ARHGAP32: variants seen among roughly 807,000 people sequenced by gnomAD.
The protein encoded by ARHGAP32 is rho GTPase-activating protein 32.
A neutral mutation model predicts 186.5 loss-of-function variants in ARHGAP32; 51 were observed. That is an observed-to-expected ratio of 0.27 (90% CI 0.22 to 0.35). The LOEUF (loss-of-function observed/expected upper bound fraction) is 0.35. ARHGAP32 is among the 10% of genes least tolerant of loss of function. The probability of loss-of-function intolerance (pLI) is 1.00; values close to 1 mark genes in which losing one functional copy is unlikely to be tolerated. For missense variants in ARHGAP32, 2,186 were observed against 2,623.5 expected (o/e 0.83, Z 3.64); for synonymous variants, 950 against 964.3 (o/e 0.99, Z 0.27).
rs1040654147 is a variant in ARHGAP32 at position 128,968,321 on chromosome 11, T to C, written c.*586A>G. 1 of 152,216 alleles carries C rather than the reference T, an allele frequency of 6.6e-6. No individual in the cohort carries two copies. Among genetic ancestry groups the C allele is most frequent in the Non-Finnish European group, 1.5e-5 (1 of 68,042 alleles). The allele number at this position is 152,216 out of a possible 1,614,324, so 9.4% of individuals were successfully genotyped here. A position where few individuals can be genotyped will look rare whatever the true frequency, so the allele number is the denominator to read the frequency against. ...TGTTTAATTTAAAGTCTTAATTTCT[T>C]ATTTTTAATTATAATGTTGCCAACT... On this transcript the variant is annotated 3_prime_UTR_variant, in exon 23 of 23. Transcript: ENST00000682385.
chr11:129,278,649 G>A (rs1231348700), intron 1 of ARHGAP32, among the ~76,000 whole-genome samples: 1 of 152,102 alleles, frequency 6.6e-6, no homozygotes, highest in African/African-American at 2.4e-5. Context: ...GAAAGACGAG[G>A]GGGGAACTCC....
At chr11:129,225,007 A>C (rs1944761468) in intron 1 of ARHGAP32, among the ~76,000 whole-genome samples, 1 of 152,010 alleles carries the variant, frequency 6.6e-6, no homozygotes, top group East Asian at 1.9e-4. Flanking sequence ...GCTACTTGAG[A>C]GGCTGACACA....
intron 18 of ARHGAP32, 33 bp downstream of exon 18, chr11:128,980,520 T>C (rs377464208): frequency 6.5e-7 from 1 of 1,534,574 alleles, no homozygotes; most frequent in Admixed American, 1.8e-5. Context: ...GCTATGAAAA[T>C]CATATCCCAA....
chr11:129,156,948 G>A (rs1943423548), intron 2 of ARHGAP32, among the ~76,000 whole-genome samples: 1 of 152,156 alleles, frequency 6.6e-6, no homozygotes, highest in African/African-American at 2.4e-5. Context: ...GGTCTGGAGT[G>A]GACATACAGA....
At chr11:129,018,391 A>C (rs2134875131) in intron 11 of ARHGAP32, among the ~76,000 whole-genome samples, 1 of 152,356 alleles carries the variant, frequency 6.6e-6, no homozygotes. Flanking sequence ...AAATACCTTA[A>C]ATAGCAGCAA....
intron 21 of ARHGAP32, chr11:128,973,825 A>G (rs1012255102): frequency 1.7e-5 from 9 of 519,566 alleles, no homozygotes; most frequent in African/African-American, 9.6e-5. Context: ...ATATTTTATT[A>G]GAAGAGAAAA....
At chr11:129,009,787 C>A (rs1036014092) in intron 11 of ARHGAP32, among the ~76,000 whole-genome samples, 1 of 152,090 alleles carries the variant, frequency 6.6e-6, no homozygotes, top group Non-Finnish European at 1.5e-5. Context: ...AACAGTGCTG[C>A]AGTGAACGTA....
intron 6 of ARHGAP32, among the ~76,000 whole-genome samples, chr11:129,088,995 CAAAAAAAA>C (rs10601798): frequency 3.5e-5 from 3 of 84,768 alleles, no homozygotes; most frequent in African/African-American, 8.4e-5. Flanking sequence ...GAGACCTTGT[CAAAAAAAA>C]AAAAAAAAAA....
At chr11:129,234,326 GACTA>G (rs1022521105) in intron 1 of ARHGAP32, among the ~76,000 whole-genome samples, 10 of 151,996 alleles carry the variant, frequency 6.6e-5, no homozygotes, top group African/African-American at 2.2e-4. Flanking sequence ...TATAAAAAAT[GACTA>G]ACTCTCAAAA....
chr11:128,970,724 T>C lies in ARHGAP32; in HGVS notation c.4489A>G (p.Thr1497Ala). 1 of 1,614,086 alleles carries C rather than the reference T, an allele frequency of 6.2e-7. No homozygotes were observed. The highest frequency in any genetic ancestry group is 1.3e-5 in the African/African-American group (1 of 74,998). ...YSSFARPDVTTEPFGPDNCLH... is the reference protein window; with the variant it reads ...YSSFARPDVTAEPFGPDNCLH... ...CAGTTATCTGGACCAAAGGGTTCAG[T>C]GGTGACATCGGGCCTAGCAAAGGAG... The change falls in exon 23 of 23, where the codon ACT becomes GCT. Residue 1497 changes from threonine to alanine, a missense_variant. This residue lies in a region of ARHGAP32 where 1,502 missense variants were observed against 1,570.0 expected (regional missense o/e 0.96). Coordinates refer to ENST00000682385, the MANE Select transcript of ARHGAP32 (RefSeq NM_001378024.1). The surrounding 1 kb of genome is among the most constrained non-coding windows in gnomAD (Gnocchi z 5.8).
chr11:129,172,373 C>G (rs565752558), intron 1 of ARHGAP32, among the ~76,000 whole-genome samples: 6 of 152,074 alleles, frequency 3.9e-5, no homozygotes, highest in Admixed American at 3.3e-4. Context: ...GAGTTTTTAA[C>G]GTGAAGGGAT....
chr11:129,043,371 TTC>T (rs1417448049), intron 10 of ARHGAP32, among the ~76,000 whole-genome samples: 39 of 95,366 alleles, frequency 4.1e-4, no homozygotes, highest in African/African-American at 1.2e-3. Flanking sequence ...CTATGCAAAT[TTC>T]TTTTTTTCTT....
At position 128,970,898 on chromosome 11, in the gene ARHGAP32, C is replaced by A. The variant is rs1945348006; in HGVS notation, c.4315G>T (p.Ala1439Ser). 1 of 1,614,160 alleles carries A rather than the reference C, an allele frequency of 6.2e-7. No individual in the cohort carries two copies. Among genetic ancestry groups the A allele is most frequent in the African/African-American group, 1.3e-5 (1 of 75,054 alleles). ...TCTGCACTGCTGGAGTGTATGGCAG[C>A]AATCATCTTACTCTCCATCATCCTG... is the stretch of plus-strand genomic sequence containing the variant. ...PTRMMESKMIAAIHSSSADAT... is the reference protein window; with the variant it reads ...PTRMMESKMISAIHSSSADAT... The change falls in exon 23 of 23, where the codon GCT becomes TCT. Residue 1439 changes from alanine to serine, a missense_variant. Around this residue, in one of 5 missense-constraint regions of ARHGAP32, gnomAD observed 1,502 missense variants for 1,570.0 expected, o/e 0.96. Coordinates refer to ENST00000682385, the MANE Select transcript of ARHGAP32 (RefSeq NM_001378024.1). The surrounding 1 kb of genome is among the most constrained non-coding windows in gnomAD (Gnocchi z 5.8).
intron 1 of ARHGAP32, among the ~76,000 whole-genome samples, chr11:129,173,373 C>T (rs1943815959): frequency 6.6e-6 from 1 of 151,648 alleles, no homozygotes; most frequent in African/African-American, 2.4e-5. Context: ...GATTCACAGC[C>T]AAATTTTACC....
chr11:129,139,288 T>C (rs987239233), intron 2 of ARHGAP32, among the ~76,000 whole-genome samples: 1 of 152,160 alleles, frequency 6.6e-6, no homozygotes, highest in South Asian at 2.1e-4. Flanking sequence ...TCTTATTAAT[T>C]AAACAGCAAT....
chr11:129,119,793 G>C (rs776437749), intron 5 of ARHGAP32, among the ~76,000 whole-genome samples: 9 of 151,954 alleles, frequency 5.9e-5, no homozygotes, highest in African/African-American at 2.4e-5. Context: ...CTGTCCTAGA[G>C]GAGCATTTTA....
chr11:128,970,928 G>C lies in ARHGAP32; in HGVS notation c.4285C>G (p.Pro1429Ala), dbSNP rs146794520. ...HPCGFPAPLP[P>A]TRMMESKMIA... ...ATCTTACTCTCCATCATCCTGGTGG[G>C]GGGCAGTGGTGCAGGAAAGCCACAG... The change falls in exon 23 of 23, where the codon CCC becomes GCC. Residue 1429 changes from proline (P) to alanine (A), a missense_variant. Physicochemically the swap from Pro to Ala is conservative, Grantham distance 27. Coordinates refer to ENST00000682385, the MANE Select transcript of ARHGAP32 (RefSeq NM_001378024.1). This position sits in a 1 kb window ranked among gnomAD's most constrained non-coding sequence, Gnocchi z 5.8. The C allele has an allele frequency of 2.2e-5, 36 of 1,613,896 alleles. No homozygotes were observed. The highest frequency in any genetic ancestry group is 2.7e-5 in the Non-Finnish European group (32 of 1,179,954).
At chr11:129,002,832 G>A (rs1487345086) in intron 11 of ARHGAP32, among the ~76,000 whole-genome samples, 19 of 126,870 alleles carry the variant, frequency 1.5e-4, no homozygotes, top group South Asian at 9.9e-4. Context: ...TTTTTGAGAC[G>A]GAGTCTCGCT....
chr11:129,269,528 A>G (rs919853730), intron 1 of ARHGAP32, among the ~76,000 whole-genome samples: 2 of 152,072 alleles, frequency 1.3e-5, no homozygotes, highest in Admixed American at 1.3e-4. Context: ...AGAGTTTGAC[A>G]CCAGCCTGGA....
Sources: gnomAD v4.1 joint callset for allele counts (sites outside exome capture counted in the v4.1 genomes callset) on GRCh38, gnomAD v4.1.1 for gene constraint, gnomAD v4.1.1 regional missense constraint, Gnocchi (gnomAD v3.1) non-coding constraint, MANE v1.5 for transcripts, NCBI Gene and HGNC (gene_info 2026-07-23, HGNC 2026-07-21) for gene names.